ITGB3: variants seen among roughly 807,000 people sequenced by gnomAD.
ITGB3 encodes integrin subunit beta 3, also known as integrin beta-3.
A neutral mutation model predicts 85.8 loss-of-function variants in ITGB3; 48 were observed. The observed-to-expected ratio is 0.56, with a 90% CI of 0.44 to 0.71. The LOEUF is 0.71. Among genes scored for constraint, ITGB3 ranks in the 30% least tolerant of loss-of-function variants. The probability of loss-of-function intolerance (pLI) is 0.00; values close to 1 mark genes in which losing one functional copy is unlikely to be tolerated. For synonymous variants in ITGB3, 363 were observed against 395.6 expected, an observed-to-expected ratio of 0.92 and a Z score of 0.98; for missense variants, 861 against 1,019.1, an observed-to-expected ratio of 0.84 and a Z score of 2.11.
chr17:47,310,654 T>G lies in ITGB3; in HGVS notation c.*450T>G. The G allele has an allele frequency of 3.9e-6, 1 of 255,318 alleles. No individual in the cohort carries two copies. Among genetic ancestry groups the G allele is most frequent in the Non-Finnish European group, 7.8e-6 (1 of 128,350 alleles). 15.8% of individuals were successfully genotyped at this position (255,318 alleles called of 1,614,324 possible). ...ACCAAGCCTTGGCTCTACCCTGAGT[T>G]CATAAATTTATGGTTCTCAGGCCTG... On this transcript the variant is annotated 3_prime_UTR_variant, in exon 15 of 15. Transcript: ENST00000559488.
At chr17:47,293,536 T>C (rs1467959713) in intron 10 of ITGB3, among the ~76,000 whole-genome samples, 1 of 152,080 alleles carries the variant, frequency 6.6e-6, no homozygotes, top group African/African-American at 2.4e-5. Context: ...ACGGGTGTAT[T>C]GTGTGGCCAA....
intron 1 of ITGB3, among the ~76,000 whole-genome samples, chr17:47,270,029 G>GA (rs1598682391): frequency 6.6e-6 from 1 of 152,296 alleles, no homozygotes; most frequent in East Asian, 1.9e-4. Context: ...AGCAAAGGGG[G>GA]AAAAGCCTTT....
In ITGB3 at chr17:47,274,318, G is replaced by A. The variant is rs1598684747; in HGVS notation, c.80-101G>A. ...TTAGGGTGTGTTTGTGTGCACCTGA[G>A]AGCTGTAAACCTGGACATTGGGAAA... On this transcript the variant is annotated intron_variant, in intron 1 of 14. Transcript: ENST00000559488. 14 of 952,716 alleles carry A rather than the reference G, an allele frequency of 1.5e-5. No individual in the cohort carries two copies. The East Asian group carries it at 3.2e-4, about 21-fold the overall frequency. The allele number at this position is 952,716 out of a possible 1,614,324, so 59.0% of individuals were successfully genotyped here.
Position 47,311,521 on chromosome 17 carries a change from T to C in ITGB3, c.*1317T>C, listed in dbSNP as rs1373528121. On this transcript the variant is annotated 3_prime_UTR_variant, in exon 15 of 15. Coordinates refer to ENST00000559488, the MANE Select transcript of ITGB3 (RefSeq NM_000212.3). ...GCATTATATTTGTAAATTTATGTGA[T>C]GGCAAAGAAGGAGAGCATAGGAAAC... is the stretch of plus-strand genomic sequence containing the variant. The C allele has an allele frequency of 6.6e-6, 1 of 152,258 alleles. No homozygotes were observed. The highest frequency in any genetic ancestry group is 1.9e-4 in the East Asian group (1 of 5,204). The allele number at this position is 152,258 out of a possible 1,614,324, so 9.4% of individuals were successfully genotyped here. A position where few individuals can be genotyped will look rare whatever the true frequency, so the allele number is the denominator to read the frequency against.
intron 11 of ITGB3, 134 bp from the exon 12 acceptor site, chr17:47,300,344 C>CGTGTGTGTGT (rs879063347): frequency 0.016 from 11,047 of 684,596 alleles, 115 homozygotes; most frequent in East Asian, 0.11. Context: ...GGCGCGCGCG[C>CGTGTGTGTGT]GCGTGTGTGT....
At chr17:47,276,656 G>A (rs1295033605) in intron 2 of ITGB3, among the ~76,000 whole-genome samples, 1 of 152,212 alleles carries the variant, frequency 6.6e-6, no homozygotes, top group Non-Finnish European at 1.5e-5. Context: ...AGGGAGGAGG[G>A]AGAGAAGGAA....
In ITGB3 at chr17:47,283,470, C is replaced by T. The variant is rs1456632633; in HGVS notation, c.282C>T (p.Pro94=). 6.2e-7 allele frequency: 1 copy of T among 1,614,100 alleles called. No individual in the cohort carries two copies. The highest frequency in any genetic ancestry group is 1.3e-5 in the African/African-American group (1 of 74,910). Reference sequence around the variant, plus strand: ...AGGCCCGAGTACTAGAGGACAGGCCCCTCAGCGACAAGGGCTCTGGAGACA... The same window carrying T: ...AGGCCCGAGTACTAGAGGACAGGCCTCTCAGCGACAAGGGCTCTGGAGACA... ...VSEARVLEDR[P]LSDKGSGDSS... The change falls in exon 3 of 15, where the codon CCC becomes CCT. Residue 94 remains proline (P), a synonymous_variant. Coordinates refer to ENST00000559488, the MANE Select transcript of ITGB3 (RefSeq NM_000212.3).
intron 1 of ITGB3, among the ~76,000 whole-genome samples, chr17:47,263,174 CTGT>C (rs1227171784): frequency 6.6e-6 from 1 of 152,168 alleles, no homozygotes; most frequent in Admixed American, 6.5e-5. Context: ...CCATATCCAT[CTGT>C]TGTTTTACTG....
At chr17:47,265,229 G>A (rs192939806) in intron 1 of ITGB3, among the ~76,000 whole-genome samples, 2 of 152,142 alleles carry the variant, frequency 1.3e-5, no homozygotes, top group African/African-American at 4.8e-5. Flanking sequence ...AGTATTTCAC[G>A]GCAGTGTTCT....
At chr17:47,277,825 C>G (rs1486699918) in intron 2 of ITGB3, among the ~76,000 whole-genome samples, 1 of 152,106 alleles carries the variant, frequency 6.6e-6, no homozygotes, top group Non-Finnish European at 1.5e-5. Flanking sequence ...GAGGAAGACT[C>G]TAATAGGATT....
intron 10 of ITGB3, among the ~76,000 whole-genome samples, chr17:47,296,204 A>G (rs2065145387): frequency 6.6e-6 from 1 of 152,156 alleles, no homozygotes; most frequent in South Asian, 2.1e-4. Flanking sequence ...CTTTCCAGAT[A>G]TACTTGGCAG....
chr17:47,257,121 G>T (rs2064993214), intron 1 of ITGB3, among the ~76,000 whole-genome samples: 1 of 152,212 alleles, frequency 6.6e-6, no homozygotes, highest in Admixed American at 6.5e-5. Context: ...AGTGTTTAAT[G>T]AATGACAACT....
At position 47,292,485 on chromosome 17, in the gene ITGB3, G is replaced by T; in HGVS notation, c.1607G>T (p.Ser536Ile). ...ECLCGQCVCH[S>I]SDFGKITGKY... is the part of the protein sequence containing the mutation. ...CTCTGTGGTCAATGTGTCTGCCACA[G>T]CAGTGACTTTGGCAAGATCACGGGC... Residue 536 changes from serine (S) to isoleucine (I), a missense_variant, in exon 10 of 15, where the codon AGC (serine) becomes ATC (isoleucine). By Grantham distance (142) the Ser-to-Ile change is moderately radical. Transcript: ENST00000559488. 1 of 1,610,442 alleles carries T rather than the reference G, an allele frequency of 6.2e-7. No homozygotes were observed. Among genetic ancestry groups the T allele is most frequent in the Non-Finnish European group, 8.5e-7 (1 of 1,179,022 alleles).
intron 2 of ITGB3, among the ~76,000 whole-genome samples, chr17:47,281,905 T>G (rs2065085020): frequency 6.6e-6 from 1 of 152,172 alleles, no homozygotes; most frequent in East Asian, 1.9e-4. Flanking sequence ...TAAGTAACTT[T>G]TATTGTGGGA....
At position 47,287,245 on chromosome 17, in the gene ITGB3, C is replaced by A. The variant is rs13306477; in HGVS notation, c.939+14C>A. 15 of 1,613,422 alleles carry A rather than the reference C, an allele frequency of 9.3e-6. No homozygotes were observed. The East Asian group carries it at 3.1e-4, about 34-fold the overall frequency. On this transcript the variant is annotated intron_variant, in intron 6 of 14. Transcript: ENST00000559488. ...TCCACTACCATGGTGAGATCTCTGG[C>A]ACCACCTATGGTTTCTATTCATGAT... is the stretch of plus-strand genomic sequence containing the variant.
Position 47,292,427 on chromosome 17 carries a change from G to C in ITGB3, c.1549G>C (p.Gly517Arg), listed in dbSNP as rs774902197. The C allele has an allele frequency of 1.2e-5, 19 of 1,610,282 alleles. No individual in the cohort carries two copies. The highest frequency in any genetic ancestry group is 1.4e-5 in the Non-Finnish European group (17 of 1,176,916). The change falls in exon 10 of 15, where the codon GGT (glycine) becomes CGT (arginine). Residue 517 changes from glycine to arginine, a missense_variant. Transcript: ENST00000559488. ...GCAGGACGAATGCAGCCCCCGGGAG[G>C]GTCAGCCCGTCTGCAGCCAGCGGGG... ...SQQDECSPRE[G>R]QPVCSQRGEC...
intron 13 of ITGB3, among the ~76,000 whole-genome samples, chr17:47,303,296 A>G (rs2065174522): frequency 6.6e-6 from 1 of 152,118 alleles, no homozygotes; most frequent in African/African-American, 2.4e-5. Flanking sequence ...ACGATAAGTT[A>G]GGGACCGTCA....
At chr17:47,285,190 G>C (rs190588951) in intron 4 of ITGB3, among the ~76,000 whole-genome samples, 9 of 152,340 alleles carry the variant, frequency 5.9e-5, no homozygotes, top group Admixed American at 3.3e-4. Context: ...TTGTGCCTCT[G>C]TTTGACACTT....
chr17:47,290,795 G>C (rs181794953), intron 8 of ITGB3, among the ~76,000 whole-genome samples, 159 bp from the exon 9 acceptor site: 2 of 152,250 alleles, frequency 1.3e-5, no homozygotes, highest in Admixed American at 1.3e-4. Flanking sequence ...AGAGTCCTAG[G>C]GGTGCTCCGG....
Sources: gnomAD v4.1 joint callset for allele counts (sites outside exome capture counted in the v4.1 genomes callset) on GRCh38, gnomAD v4.1.1 for gene constraint, MANE v1.5 for transcripts, NCBI Gene and HGNC (gene_info 2026-07-23, HGNC 2026-07-21) for gene names.